MACROD2: variants seen among roughly 807,000 people sequenced by gnomAD.
MACROD2 encodes mono-ADP ribosylhydrolase 2, also known as ADP-ribose glycohydrolase MACROD2.
A neutral mutation model predicts 70.4 loss-of-function variants in MACROD2; 36 were observed. That is an observed-to-expected ratio of 0.51 (90% CI 0.39 to 0.68). The LOEUF is 0.68. Among genes scored for constraint, MACROD2 ranks in the 30% least tolerant of loss-of-function variants. The probability of loss-of-function intolerance (pLI) is 0.00; values close to 1 mark genes in which losing one functional copy is unlikely to be tolerated. For synonymous variants in MACROD2, 172 were observed against 178.8 expected (o/e 0.96, Z 0.30); for missense variants, 496 against 538.4 (o/e 0.92, Z 0.78).
chr20:15,066,882 GAAA>G (rs753955005), intron 5 of MACROD2, among the ~76,000 whole-genome samples: 2 of 105,914 alleles, frequency 1.9e-5, no homozygotes, highest in Admixed American at 1.0e-4. Context: ...ACTCTGTCTC[GAAA>G]AAAAAAAAAA....
intron 8 of MACROD2, among the ~76,000 whole-genome samples, chr20:15,512,786 A>T (rs1487030304): frequency 6.6e-6 from 1 of 152,098 alleles, no homozygotes; most frequent in Non-Finnish European, 1.5e-5. Flanking sequence ...TTCTTTAAGG[A>T]ATTAGGAAAT....
At chr20:14,138,270 G>A (rs1256497910) in intron 3 of MACROD2, among the ~76,000 whole-genome samples, 1 of 152,084 alleles carries the variant, frequency 6.6e-6, no homozygotes, top group African/African-American at 2.4e-5. Flanking sequence ...CTCATCTGAT[G>A]GAGATGAAAT....
At chr20:15,613,336 C>T (rs973782672) in intron 8 of MACROD2, among the ~76,000 whole-genome samples, 24 of 152,310 alleles carry the variant, frequency 1.6e-4, no homozygotes, top group African/African-American at 5.5e-4. Flanking sequence ...GTGAGCATGG[C>T]AGCATTATAT....
intron 5 of MACROD2, among the ~76,000 whole-genome samples, chr20:15,157,681 CA>C (rs1166269199): frequency 2.3e-4 from 35 of 152,250 alleles, no homozygotes; most frequent in African/African-American, 8.2e-4. Context: ...TCCCTTGACA[CA>C]CTGACCTCTA....
chr20:14,898,914 C>T (rs2073862712), intron 5 of MACROD2, among the ~76,000 whole-genome samples: 1 of 152,162 alleles, frequency 6.6e-6, no homozygotes, highest in African/African-American at 2.4e-5. Flanking sequence ...CAGATGGGAA[C>T]TAATAAAGCT....
chr20:15,243,620 G>T (rs886481021), intron 6 of MACROD2, among the ~76,000 whole-genome samples: 72 of 79,430 alleles, frequency 9.1e-4, no homozygotes, highest in African/African-American at 3.7e-3. Flanking sequence ...AAAATGTCAA[G>T]AATTCTGTGA....
chr20:15,260,381 T>C (rs1303557029), intron 6 of MACROD2, among the ~76,000 whole-genome samples: 1 of 151,624 alleles, frequency 6.6e-6, no homozygotes, highest in African/African-American at 2.4e-5. Flanking sequence ...AGTGAGACCA[T>C]GCAATGTTTT....
intron 3 of MACROD2, among the ~76,000 whole-genome samples, chr20:14,151,153 A>C (rs2055014750): frequency 6.6e-6 from 1 of 152,206 alleles, no homozygotes; most frequent in Non-Finnish European, 1.5e-5. Context: ...AAATCATTTG[A>C]GATGTTTTTG....
intron 5 of MACROD2, among the ~76,000 whole-genome samples, chr20:15,152,075 G>C (rs909911716): frequency 2.0e-5 from 3 of 151,902 alleles, no homozygotes; most frequent in Non-Finnish European, 4.4e-5. Flanking sequence ...ATGCCTGGAC[G>C]TCAGGCATCT....
Position 15,264,701 on chromosome 20 carries a change from GGCAT to G in MACROD2, c.540+34642_540+34645del, listed in dbSNP as rs543130550. On this transcript the variant is annotated intron_variant, in intron 6 of 17. Transcript: ENST00000684519. ...AAGTCTCTCTGAGCACAGTATCCTG[GGCAT>G]GGAGACCTTTTAGTCTCCTCTCCTG... Among the ~76,000 whole-genome samples the G allele has an allele frequency of 7.0e-3, 1,071 of 152,176 alleles. 6 individuals are homozygous for G. Among genetic ancestry groups the G allele is most frequent in the Non-Finnish European group, 7.4e-3 (504 of 67,990 alleles).
chr20:15,915,490 A>G (rs910410502), intron 10 of MACROD2, among the ~76,000 whole-genome samples: 3 of 152,212 alleles, frequency 2.0e-5, no homozygotes, highest in African/African-American at 7.2e-5. Flanking sequence ...GTTCTCAATA[A>G]ATGGAAAATA....
chr20:14,685,376 G>A (rs756030111), intron 5 of MACROD2, among the ~76,000 whole-genome samples: 29 of 152,100 alleles, frequency 1.9e-4, no homozygotes, highest in Admixed American at 1.3e-4. Flanking sequence ...AGATCAAAGT[G>A]ATGTATTGTT....
chr20:15,281,443 A>G (rs1229027810), intron 6 of MACROD2, among the ~76,000 whole-genome samples: 1 of 152,208 alleles, frequency 6.6e-6, no homozygotes, highest in African/African-American at 2.4e-5. Flanking sequence ...CCTAGATACA[A>G]TGGGGGTACA....
chr20:15,491,429 C>T (rs891977575), intron 7 of MACROD2, among the ~76,000 whole-genome samples: 2 of 152,160 alleles, frequency 1.3e-5, no homozygotes, highest in Non-Finnish European at 2.9e-5. Context: ...GGTTTGACTA[C>T]CCCCAAAAAG....
At chr20:14,159,903 C>T (rs2055159370) in intron 3 of MACROD2, among the ~76,000 whole-genome samples, 1 of 151,964 alleles carries the variant, frequency 6.6e-6, no homozygotes, top group South Asian at 2.1e-4. Context: ...TTCTTCTATG[C>T]CTAGTTTGCT....
intron 6 of MACROD2, among the ~76,000 whole-genome samples, chr20:15,378,188 C>A (rs1285437209): frequency 7.2e-6 from 1 of 138,000 alleles, no homozygotes; most frequent in East Asian, 2.1e-4. Flanking sequence ...AACCCAAAGT[C>A]CTAGAAAAAA....
chr20:14,611,772 A>C (rs370733454), intron 4 of MACROD2, among the ~76,000 whole-genome samples: 55 of 152,258 alleles, frequency 3.6e-4, no homozygotes, highest in African/African-American at 1.3e-3. Flanking sequence ...TAGGAGACTC[A>C]GAAACTTTGA....
intron 4 of MACROD2, among the ~76,000 whole-genome samples, chr20:14,649,757 A>G (rs964226095): frequency 6.6e-6 from 1 of 152,096 alleles, no homozygotes; most frequent in African/African-American, 2.4e-5. Flanking sequence ...TGCCCTGGGT[A>G]CATTGTGCTG....
At chr20:14,428,390 G>A (rs2122920149) in intron 3 of MACROD2, among the ~76,000 whole-genome samples, 1 of 152,158 alleles carries the variant, frequency 6.6e-6, no homozygotes, top group East Asian at 1.9e-4. Flanking sequence ...GTATTCAAGA[G>A]AATCTTCTTA....
Sources: allele counts gnomAD v4.1 joint callset (sites outside exome capture counted in the v4.1 genomes callset), GRCh38; gene constraint gnomAD v4.1.1; transcripts MANE v1.5; gene names NCBI Gene and HGNC (gene_info 2026-07-23, HGNC 2026-07-21).